GMFB: variants seen among roughly 807,000 people sequenced by gnomAD.
The protein encoded by GMFB is glia maturation factor beta.
GMFB carries 13 observed loss-of-function variants against 25.6 expected under a neutral mutation model. That is an observed-to-expected ratio of 0.51 (90% CI 0.33 to 0.81). The LOEUF is 0.81. GMFB is among the 30% of genes least tolerant of loss of function. The pLI is 0.02. For missense variants in GMFB, 146 were observed against 175.4 expected (o/e 0.83, Z 0.95); for synonymous variants, 57 against 56.9 (o/e 1.00, Z 0.00).
rs2031662066 is a variant in GMFB at position 54,477,993 on chromosome 14, G to GT, written c.*94dup. 1 of 593,118 alleles carries GT rather than the reference G, an allele frequency of 1.7e-6. No homozygotes were observed. Among genetic ancestry groups the GT allele is most frequent in the South Asian group, 2.4e-5 (1 of 41,826 alleles). 36.7% of individuals were successfully genotyped at this position (593,118 alleles called of 1,614,324 possible). On this transcript the variant is annotated 3_prime_UTR_variant, in exon 7 of 7. Transcript: ENST00000358056. ...CTTTACTGCAGGAAACAAACTGTAAGTAACAGTGCATTTTTAGGCATAAAT... is the reference window on the plus strand; with the variant it reads ...CTTTACTGCAGGAAACAAACTGTAAGTTAACAGTGCATTTTTAGGCATAAAT...
Position 54,479,757 on chromosome 14 carries a change from T to C in GMFB, c.357+29A>G, listed in dbSNP as rs907104786. 8 of 1,340,778 alleles carry C rather than the reference T, an allele frequency of 6.0e-6. No individual in the cohort carries two copies. In the Admixed American group the frequency reaches 8.5e-5, roughly 14 times the overall value. 83.1% of individuals were successfully genotyped at this position (1,340,778 alleles called of 1,614,324 possible). A position where few individuals can be genotyped will look rare whatever the true frequency, so the allele number is the denominator to read the frequency against. On this transcript the variant is annotated intron_variant, in intron 6 of 6. Coordinates refer to ENST00000358056, the MANE Select transcript of GMFB (RefSeq NM_004124.3). ...TTATAGTCTAAAGGAAAATATTGTCTCAACAAGTCAGTCAAATATAAATAC... is the reference window on the plus strand; with the variant it reads ...TTATAGTCTAAAGGAAAATATTGTCCCAACAAGTCAGTCAAATATAAATAC...
intron 6 of GMFB, chr14:54,479,263 CTTACCT>C (rs1473507612): frequency 1.3e-5 from 2 of 152,154 alleles, no homozygotes; most frequent in African/African-American, 4.8e-5. Flanking sequence ...CCAAGTACCT[CTTACCT>C]TTAACTTTCA....
rs538141973 is a variant in GMFB at position 54,484,760 on chromosome 14, G to A, written c.4-993C>T. Among the ~76,000 whole-genome samples the A allele has an allele frequency of 4.6e-4, 70 of 152,224 alleles. 1 individual carries two copies. The South Asian group carries it at 0.011, about 23-fold the overall frequency. ...AAAACTATAGGTCAATATGCTTGAT[G>A]AACATAGATGCAAAAATCCTTAACA... is the stretch of plus-strand genomic sequence containing the variant. On this transcript the variant is annotated intron_variant, in intron 1 of 6. Transcript: ENST00000358056.
rs1435204862 is a variant in GMFB at position 54,483,751 on chromosome 14, A to C, written c.20T>G (p.Val7Gly). The C allele has an allele frequency of 1.9e-6, 3 of 1,599,654 alleles. No homozygotes were observed. Among genetic ancestry groups the C allele is most frequent in the Admixed American group, 1.7e-5 (1 of 59,612 alleles). The change falls in exon 2 of 7, where the codon GTT becomes GGT. Residue 7 changes from valine to glycine, a missense_variant. Transcript: ENST00000358056. MSESLVVCDVAEDLVEK... is the reference protein window; with the variant it reads MSESLVGCDVAEDLVEK... The stretch of plus-strand genomic sequence containing the variant: ...CACTAAATCTTCGGCAACATCACAA[A>C]CAACCAAAGACTCACTCTATAAAAG...
At chr14:54,483,604 C>A in intron 2 of GMFB, 67 bp downstream of exon 2, 1 of 799,132 alleles carries the variant, frequency 1.3e-6, no homozygotes, top group Non-Finnish European at 2.1e-6. Context: ...TCAGTTCATT[C>A]AATGTAGCTA....
chr14:54,478,206 A>C lies in GMFB; in HGVS notation c.358-47T>G, dbSNP rs775387584. The C allele has an allele frequency of 1.6e-5, 11 of 666,980 alleles. 1 individual carries two copies. Among genetic ancestry groups the C allele is most frequent in the Admixed American group, 3.6e-5 (1 of 27,724 alleles). 41.3% of individuals were successfully genotyped at this position (666,980 alleles called of 1,614,324 possible). On this transcript the variant is annotated intron_variant, in intron 6 of 6. Coordinates refer to ENST00000358056, the MANE Select transcript of GMFB (RefSeq NM_004124.3). Reference sequence around the variant, plus strand: ...GGGTCATACTTTGACACTCCAAAAAAAAAGTCAAATATTTGAATTTTTTAA... The same window carrying C: ...GGGTCATACTTTGACACTCCAAAAACAAAGTCAAATATTTGAATTTTTTAA...
At chr14:54,479,683 A>T in intron 6 of GMFB, 103 bp downstream of exon 6, 1 of 664,498 alleles carries the variant, frequency 1.5e-6, no homozygotes. Flanking sequence ...GGTCTAAATA[A>T]CCTTCACCTG....
chr14:54,481,287 A>G (rs2031707440), intron 4 of GMFB, 122 bp downstream of exon 4: 3 of 710,990 alleles, frequency 4.2e-6, no homozygotes, highest in African/African-American at 1.8e-5. Flanking sequence ...ATATGCACAC[A>G]TATTTTAATT....
At position 54,479,591 on chromosome 14, in the gene GMFB, T is replaced by C. The variant is rs769215189; in HGVS notation, c.357+195A>G. On this transcript the variant is annotated intron_variant, in intron 6 of 6. Coordinates refer to ENST00000358056, the MANE Select transcript of GMFB (RefSeq NM_004124.3). ...AATGTGATTTCTTCCAATCAACTTA[T>C]TCAAAAAATACACTTTGGTTCAAAC... is the stretch of plus-strand genomic sequence containing the variant. The C allele has an allele frequency of 8.5e-6, 4 of 472,312 alleles. No homozygotes were observed. The South Asian group carries it at 9.8e-5, about 12-fold the overall frequency. 29.3% of individuals were successfully genotyped at this position (472,312 alleles called of 1,614,324 possible).
rs937515615 is a variant in GMFB at position 54,474,839 on chromosome 14, T to G, written c.*3249A>C. The G allele has an allele frequency of 6.6e-6, 1 of 152,646 alleles. No individual in the cohort carries two copies. The highest frequency in any genetic ancestry group is 2.4e-5 in the African/African-American group (1 of 41,470). The allele number at this position is 152,646 out of a possible 1,614,324, so 9.5% of individuals were successfully genotyped here. On this transcript the variant is annotated 3_prime_UTR_variant, in exon 7 of 7. Transcript: ENST00000358056. ...AAGTTTACTGTATATGAGCACTGAT[T>G]TGAAATGTCAAATGGCATAATAAAA...
chr14:54,488,396 C>G (rs190836455), intron 1 of GMFB, among the ~76,000 whole-genome samples: 128 of 152,304 alleles, frequency 8.4e-4, no homozygotes, highest in African/African-American at 2.8e-3. Flanking sequence ...AAGGAGAAAT[C>G]CTCTGTAGGA....
At chr14:54,487,646 G>T (rs895573902) in intron 1 of GMFB, among the ~76,000 whole-genome samples, 5 of 152,220 alleles carry the variant, frequency 3.3e-5, no homozygotes, top group Non-Finnish European at 5.9e-5. Flanking sequence ...CTGGGAGGCG[G>T]AGGTTGCAAT....
Position 54,479,856 on chromosome 14 carries a change from C to T in GMFB, c.287G>A (p.Cys96Tyr). The T allele has an allele frequency of 1.3e-6, 2 of 1,589,532 alleles. No individual in the cohort carries two copies. The highest frequency in any genetic ancestry group is 1.7e-6 in the Non-Finnish European group (2 of 1,158,130). ...LCFIFSSPVG[C>Y]KPEQQMMYAG... The stretch of plus-strand genomic sequence containing the variant: ...ATACATCATCTGTTGTTCAGGCTTA[C>T]ATCCTGGAAAAGAGAGATTAGTGTA... Residue 96 changes from cysteine (C) to tyrosine (Y), a missense_variant, in exon 6 of 7, where the codon TGT becomes TAT. Transcript: ENST00000358056.
chr14:54,485,825 G>C (rs1372627393), intron 1 of GMFB, among the ~76,000 whole-genome samples: 4 of 151,964 alleles, frequency 2.6e-5, no homozygotes, highest in African/African-American at 9.7e-5. Context: ...AAACAGAATA[G>C]AGAACCCAGA....
chr14:54,481,016 TG>T, intron 4 of GMFB, 60 bp from the exon 5 acceptor site: 1 of 770,760 alleles, frequency 1.3e-6, no homozygotes. Context: ...TACCAACACC[TG>T]GGGAGCTACT....
intron 1 of GMFB, among the ~76,000 whole-genome samples, chr14:54,487,605 T>G (rs576150421): frequency 6.6e-6 from 1 of 151,798 alleles, no homozygotes; most frequent in East Asian, 1.9e-4. Flanking sequence ...CCCAGCTACT[T>G]GGGAGGCTGA....
Position 54,475,769 on chromosome 14 carries a change from A to C in GMFB, c.*2319T>G, listed in dbSNP as rs1001914979. On this transcript the variant is annotated 3_prime_UTR_variant, in exon 7 of 7. Transcript: ENST00000358056. ...ATTTCAAAACTAACACTGACTTAGAAGACCACGAAGGAGGATCCCAGGAAA... is the reference window on the plus strand; with the variant it reads ...ATTTCAAAACTAACACTGACTTAGACGACCACGAAGGAGGATCCCAGGAAA... The C allele has an allele frequency of 1.3e-5, 2 of 152,556 alleles. No homozygotes were observed. Among genetic ancestry groups the C allele is most frequent in the African/African-American group, 4.8e-5 (2 of 41,446 alleles). 9.5% of individuals were successfully genotyped at this position (152,556 alleles called of 1,614,324 possible).
chr14:54,479,065 C>G (rs867661393), intron 6 of GMFB: 1 of 152,088 alleles, frequency 6.6e-6, no homozygotes, highest in Non-Finnish European at 1.5e-5. Context: ...GCAGAGGGCA[C>G]TTAAAGGCAT....
chr14:54,484,239 A>C (rs1021338722), intron 1 of GMFB, among the ~76,000 whole-genome samples: 5 of 152,134 alleles, frequency 3.3e-5, no homozygotes, highest in Admixed American at 3.3e-4. Context: ...TATAAGCAAC[A>C]AAAGTGTTAA....
Sources: gnomAD v4.1 joint callset for allele counts (sites outside exome capture counted in the v4.1 genomes callset) on GRCh38, gnomAD v4.1.1 for gene constraint, MANE v1.5 for transcripts, NCBI Gene and HGNC (gene_info 2026-07-23, HGNC 2026-07-21) for gene names.